WDFY4: variants seen among roughly 807,000 people sequenced by gnomAD.
The protein encoded by WDFY4 is WD repeat- and FYVE domain-containing protein 4.
A neutral mutation model predicts 351.9 loss-of-function variants in WDFY4; 169 were observed. The ratio of observed to expected loss-of-function variants is 0.48; its 90% CI spans 0.42 to 0.55. WDFY4 has a LOEUF of 0.55. Ranked by LOEUF, WDFY4 falls within the 20% of genes least tolerant of loss-of-function variation. The pLI is 0.00. For missense variants in WDFY4, 3,803 were observed against 3,935.6 expected (o/e 0.97, Z 0.90); for synonymous variants, 1,622 against 1,574.6 (o/e 1.03, Z -0.71).
chr10:48,739,760 C>T (rs2064793347), intron 11 of WDFY4, among the ~76,000 whole-genome samples: 1 of 152,094 alleles, frequency 6.6e-6, no homozygotes, highest in African/African-American at 2.4e-5. Flanking sequence ...CTCTCCCTCC[C>T]AAGAGGAGGA....
chr10:48,780,907 A>G (rs192661805), intron 19 of WDFY4, among the ~76,000 whole-genome samples: 4 of 152,314 alleles, frequency 2.6e-5, no homozygotes, highest in East Asian at 3.9e-4. Flanking sequence ...AGGTAATTTG[A>G]CAACTTACTA....
At chr10:48,938,716 G>C (rs1353752095) in intron 47 of WDFY4, among the ~76,000 whole-genome samples, 1 of 151,866 alleles carries the variant, frequency 6.6e-6, no homozygotes, top group African/African-American at 2.4e-5. Context: ...AAGCTCGTCT[G>C]GGGGGGTAAA....
chr10:48,937,025 C>G (rs971129400), intron 47 of WDFY4, among the ~76,000 whole-genome samples: 1 of 151,624 alleles, frequency 6.6e-6, no homozygotes, highest in Non-Finnish European at 1.5e-5. Context: ...GTTCGAGTAG[C>G]TGGGATTACA....
At chr10:48,793,666 A>G (rs912819191) in intron 23 of WDFY4, among the ~76,000 whole-genome samples, 2 of 152,190 alleles carry the variant, frequency 1.3e-5, no homozygotes, top group Non-Finnish European at 2.9e-5. Flanking sequence ...CACATGCTTC[A>G]TAAGAGCGTG....
chr10:48,752,180 G>A (rs116201696), intron 12 of WDFY4, among the ~76,000 whole-genome samples: 91 of 152,282 alleles, frequency 6.0e-4, no homozygotes, highest in Middle Eastern at 3.4e-3. Flanking sequence ...TTCTCATAGT[G>A]TGGCCTGTAG....
intron 47 of WDFY4, among the ~76,000 whole-genome samples, chr10:48,939,256 A>G (rs769155134): frequency 1.3e-5 from 2 of 152,214 alleles, no homozygotes; most frequent in Non-Finnish European, 2.9e-5. Context: ...CTGCTCCTGA[A>G]CAATGTCAAC....
Position 48,946,161 on chromosome 10 carries a change from A to G in WDFY4, c.7867+4A>G, listed in dbSNP as rs1841033796. ...AAAGAAGTTGAGAAAACTGAAGGTG[A>G]GTAGATCCAGCTTGATTTTTGGTGC... On this transcript the variant is annotated splice_donor_region_variant and intron_variant, in intron 50 of 61. Coordinates refer to ENST00000325239, the MANE Select transcript of WDFY4 (RefSeq NM_001394531.1). 3 of 1,541,014 alleles carry G rather than the reference A, an allele frequency of 1.9e-6. No individual in the cohort carries two copies. Among genetic ancestry groups the G allele is most frequent in the East Asian group, 2.5e-5 (1 of 40,684 alleles).
chr10:48,908,254 CA>C, intron 47 of WDFY4, among the ~76,000 whole-genome samples: 1 of 152,220 alleles, frequency 6.6e-6, no homozygotes, highest in Non-Finnish European at 1.5e-5. Context: ...CCCACACCAC[CA>C]GGGGTGGGGA....
At chr10:48,710,068 G>C in intron 2 of WDFY4, 102 bp downstream of exon 2, 2 of 1,122,694 alleles carry the variant, frequency 1.8e-6, no homozygotes, top group Non-Finnish European at 1.2e-6. Flanking sequence ...ATCCCAAGTG[G>C]ACTCTGATTG....
chr10:48,693,585 C>T (rs2063253371), intron 1 of WDFY4, among the ~76,000 whole-genome samples: 1 of 152,218 alleles, frequency 6.6e-6, no homozygotes, highest in African/African-American at 2.4e-5. Context: ...GAGGAGAAAT[C>T]TGAAGCTTGT....
intron 10 of WDFY4, among the ~76,000 whole-genome samples, chr10:48,734,523 C>CATATATATATAT (rs10653287): frequency 2.8e-5 from 4 of 144,992 alleles, no homozygotes; most frequent in African/African-American, 5.1e-5. Context: ...ATAATATGTG[C>CATATATATATAT]ATATATATAT....
intron 51 of WDFY4, among the ~76,000 whole-genome samples, chr10:48,956,058 C>T (rs975047396): frequency 2.0e-5 from 3 of 152,230 alleles, no homozygotes; most frequent in Admixed American, 2.0e-4. Flanking sequence ...ACCCCCAGCA[C>T]CTTCATTTCT....
chr10:48,981,575 G>A, intron 61 of WDFY4, 97 bp downstream of exon 61: 1 of 1,147,982 alleles, frequency 8.7e-7, no homozygotes, highest in Non-Finnish European at 1.3e-6. Context: ...ACCTGGCCGA[G>A]GAGGCCACTT....
At chr10:48,848,066 C>T (rs1248320468) in intron 39 of WDFY4, among the ~76,000 whole-genome samples, 1 of 152,184 alleles carries the variant, frequency 6.6e-6, no homozygotes, top group Non-Finnish European at 1.5e-5. Context: ...TACCTGGGCA[C>T]TCAGAGAAAA....
At chr10:48,959,856 A>ACATCC in intron 53 of WDFY4, 43 bp downstream of exon 53, 1 of 1,503,490 alleles carries the variant, frequency 6.7e-7, no homozygotes, top group Non-Finnish European at 9.0e-7. Context: ...GGGGACCTGA[A>ACATCC]CATCCCCTCA....
At chr10:48,710,087 G>C (rs556794862) in intron 2 of WDFY4, 121 bp downstream of exon 2, 1 of 937,276 alleles carries the variant, frequency 1.1e-6, no homozygotes, top group South Asian at 1.8e-5. Context: ...TGGTTGCTCA[G>C]GGGAGTGTTG....
intron 39 of WDFY4, among the ~76,000 whole-genome samples, chr10:48,840,176 T>C (rs545418061): frequency 2.0e-5 from 3 of 152,274 alleles, no homozygotes; most frequent in Admixed American, 6.5e-5. Flanking sequence ...GAAAGTAAAG[T>C]CTATGTGGCC....
Position 48,788,529 on chromosome 10 carries a change from G to T in WDFY4, c.3809-1G>T. The stretch of plus-strand genomic sequence containing the variant: ...AAATGTTTAAAGATGTGTTGTTACA[G>T]GGGAGGACCTGGACAGTGAAGCCAC... On this transcript the variant is annotated splice_acceptor_variant, in intron 20 of 61. Transcript: ENST00000325239. LOFTEE classifies it high-confidence loss of function. 6.4e-7 allele frequency: 1 copy of T among 1,551,830 alleles called. No homozygotes were observed. The highest frequency in any genetic ancestry group is 1.2e-5 in the South Asian group (1 of 84,052).
At chr10:48,838,679 A>G (rs1360034705) in intron 39 of WDFY4, among the ~76,000 whole-genome samples, 2 of 152,176 alleles carry the variant, frequency 1.3e-5, no homozygotes, top group African/African-American at 4.8e-5. Flanking sequence ...ACTCATGGCC[A>G]ATTTTCTCTC....
Sources: allele counts gnomAD v4.1 joint callset (sites outside exome capture counted in the v4.1 genomes callset), GRCh38; gene constraint gnomAD v4.1.1; transcripts MANE v1.5; gene names NCBI Gene and HGNC (gene_info 2026-07-23, HGNC 2026-07-21).